The following PPIG variants were observed in gnomAD, a reference collection of about 807,000 sequenced individuals.
PPIG encodes peptidylprolyl isomerase G, also known as peptidyl-prolyl cis-trans isomerase G.
A neutral mutation model predicts 87.9 loss-of-function variants in PPIG; 26 were observed. The observed-to-expected ratio is 0.30, with a 90% CI of 0.22 to 0.41. The LOEUF is 0.41. PPIG is among the 10% of genes least tolerant of loss of function. The pLI is 1.00. For missense variants in PPIG, 722 were observed against 879.4 expected (o/e 0.82, Z 2.26); for synonymous variants, 308 against 276.5 (o/e 1.11, Z -1.13).
rs1287354617 is a variant in PPIG at position 169,638,154 on chromosome 2, A to G, written c.*631A>G. On this transcript the variant is annotated 3_prime_UTR_variant, in exon 14 of 14. Coordinates refer to ENST00000260970, the MANE Select transcript of PPIG (RefSeq NM_004792.3). ...TTCCTGTCTAGTTGTGTTTTACTTA[A>G]CTGCCTATAAAAATCGTAAGAGTAA... 6.6e-6 allele frequency: 1 copy of G among 152,010 alleles called. No homozygotes were observed. Among genetic ancestry groups the G allele is most frequent in the African/African-American group, 2.4e-5 (1 of 41,414 alleles). The allele number at this position is 152,010 out of a possible 1,614,324, so 9.4% of individuals were successfully genotyped here.
At chr2:169,585,778 TA>T (rs895511816) in intron 1 of PPIG, among the ~76,000 whole-genome samples, 3 of 152,054 alleles carry the variant, frequency 2.0e-5, no homozygotes, top group Admixed American at 1.3e-4. Context: ...AAAGAACAAT[TA>T]GATGTTTTAG....
chr2:169,590,383 G>GT (rs1234860026), intron 1 of PPIG, among the ~76,000 whole-genome samples: 2 of 152,138 alleles, frequency 1.3e-5, no homozygotes, highest in Non-Finnish European at 2.9e-5. Context: ...GCTCAAGCCT[G>GT]TAACGCCAGC....
chr2:169,586,525 A>G (rs73971638), intron 1 of PPIG, among the ~76,000 whole-genome samples: 2 of 152,040 alleles, frequency 1.3e-5, no homozygotes, highest in Admixed American at 1.3e-4. Context: ...TGTTCATTAC[A>G]TTTATTTTTA....
chr2:169,629,462 A>T (rs1418779761), intron 9 of PPIG, among the ~76,000 whole-genome samples: 2 of 152,220 alleles, frequency 1.3e-5, no homozygotes, highest in Admixed American at 1.3e-4. Context: ...AAGTTCAGAC[A>T]TTGAAATTGG....
intron 1 of PPIG, among the ~76,000 whole-genome samples, chr2:169,590,900 G>A (rs1348992969): frequency 1.3e-5 from 2 of 152,126 alleles, no homozygotes; most frequent in African/African-American, 2.4e-5. Context: ...CCAGCTACTC[G>A]GGAGGCTGAG....
intron 1 of PPIG, among the ~76,000 whole-genome samples, chr2:169,590,657 A>G (rs985923696): frequency 1.3e-5 from 2 of 152,070 alleles, no homozygotes; most frequent in African/African-American, 4.8e-5. Flanking sequence ...AAACAAACAA[A>G]CAAACAGACC....
chr2:169,636,232 A>T lies in PPIG; in HGVS notation c.1154+4A>T. ...AAAGATGGATCAAGGGGGATAAGTA[A>T]GATTTAACTATTATTATTTCAAATG... On this transcript the variant is annotated splice_donor_region_variant and intron_variant, in intron 13 of 13. Transcript: ENST00000260970. The T allele has an allele frequency of 6.3e-7, 1 of 1,584,322 alleles. No homozygotes were observed. The highest frequency in any genetic ancestry group is 8.5e-7 in the Non-Finnish European group (1 of 1,171,320).
At chr2:169,591,708 T>C (rs1292527085) in intron 1 of PPIG, among the ~76,000 whole-genome samples, 1 of 151,782 alleles carries the variant, frequency 6.6e-6, no homozygotes, top group Non-Finnish European at 1.5e-5. Flanking sequence ...AACTAGAACA[T>C]ATATATGTCA....
chr2:169,623,448 G>C (rs1685806750), intron 9 of PPIG, among the ~76,000 whole-genome samples: 1 of 152,204 alleles, frequency 6.6e-6, no homozygotes, highest in African/African-American at 2.4e-5. Context: ...ATGAAACTAA[G>C]AGATGAGAGG....
chr2:169,602,362 C>T (rs1288154149), intron 1 of PPIG, among the ~76,000 whole-genome samples: 2 of 152,182 alleles, frequency 1.3e-5, no homozygotes, highest in African/African-American at 4.8e-5. Context: ...GTCCCCCAGG[C>T]TGGAGTGCAG....
chr2:169,627,332 A>G (rs1310966063), intron 9 of PPIG, among the ~76,000 whole-genome samples: 3 of 152,098 alleles, frequency 2.0e-5, no homozygotes, highest in Non-Finnish European at 4.4e-5. Context: ...CCTGACCTCA[A>G]CCGATCCACT....
intron 5 of PPIG, among the ~76,000 whole-genome samples, chr2:169,606,452 C>G (rs1406262583): frequency 6.6e-6 from 1 of 151,856 alleles, no homozygotes; most frequent in Non-Finnish European, 1.5e-5. Flanking sequence ...ATTTGCTGGG[C>G]ATGATGGCAC....
intron 5 of PPIG, 70 bp from the exon 6 acceptor site, chr2:169,607,034 A>C (rs1685350797): frequency 2.2e-6 from 2 of 909,298 alleles, no homozygotes; most frequent in African/African-American, 1.7e-5. Flanking sequence ...ACTTTACAAG[A>C]AGTATTTTGT....
At chr2:169,585,279 T>TTTTTTTTTTTTA (rs71006004) in intron 1 of PPIG, among the ~76,000 whole-genome samples, 1 of 149,468 alleles carries the variant, frequency 6.7e-6, no homozygotes, top group Non-Finnish European at 1.5e-5. Context: ...TCTTTTTTTT[T>TTTTTTTTTTTTA]GAGACGGAGT....
intron 9 of PPIG, among the ~76,000 whole-genome samples, chr2:169,623,472 A>T (rs1401369696): frequency 1.3e-5 from 2 of 152,244 alleles, no homozygotes; most frequent in Non-Finnish European, 2.9e-5. Context: ...GCTATGTTAC[A>T]TAGTACACAG....
At position 169,636,128 on chromosome 2, in the gene PPIG, C is replaced by T. The variant is rs373894188; in HGVS notation, c.1054C>T (p.Arg352Cys). The change falls in exon 13 of 14, where the codon CGT becomes TGT. Residue 352 changes from arginine (R) to cysteine (C), a missense_variant. By Grantham distance (180) the Arg-to-Cys change is radical. Coordinates refer to ENST00000260970, the MANE Select transcript of PPIG (RefSeq NM_004792.3). ...TCCTTCCAGATCCAGATCAAGGGAT[C>T]GTTTCAGACGTAGTGAGACTCCTCC... ...RTPSRSRSRD[R>C]FRRSETPPHW... The T allele has an allele frequency of 9.3e-6, 15 of 1,607,414 alleles. No individual in the cohort carries two copies. Among genetic ancestry groups the T allele is most frequent in the South Asian group, 3.3e-5 (3 of 89,888 alleles).
chr2:169,592,790 C>G (rs1270600463), intron 1 of PPIG, among the ~76,000 whole-genome samples: 4 of 152,138 alleles, frequency 2.6e-5, no homozygotes, highest in African/African-American at 9.7e-5. Flanking sequence ...ATAGGATATA[C>G]TGTTTCTGAT....
chr2:169,632,591 A>G (rs1232998398), intron 11 of PPIG, among the ~76,000 whole-genome samples: 1 of 151,838 alleles, frequency 6.6e-6, no homozygotes, highest in Non-Finnish European at 1.5e-5. Flanking sequence ...AATACAAAAA[A>G]TTAGCCGGGT....
intron 4 of PPIG, among the ~76,000 whole-genome samples, chr2:169,605,146 A>C (rs562307053): frequency 2.0e-5 from 3 of 151,870 alleles, no homozygotes; most frequent in African/African-American, 7.2e-5. Context: ...CCAGCCTGGC[A>C]AACATAGTGA....
Sources: gnomAD v4.1 joint callset for allele counts (sites outside exome capture counted in the v4.1 genomes callset) on GRCh38, gnomAD v4.1.1 for gene constraint, MANE v1.5 for transcripts, NCBI Gene and HGNC (gene_info 2026-07-23, HGNC 2026-07-21) for gene names.